Variants in CARD9 observed in about 807,000 individuals in gnomAD.
CARD9 encodes caspase recruitment domain family member 9, also known as caspase recruitment domain-containing protein 9.
A neutral mutation model predicts 66.0 loss-of-function variants in CARD9; 53 were observed. The ratio of observed to expected loss-of-function variants is 0.80; its 90% confidence interval spans 0.64 to 1.01. The LOEUF is 1.01. Among genes scored for constraint, CARD9 ranks in the 50% least tolerant of loss-of-function variants. The pLI is 0.00. For synonymous variants in CARD9, 387 were observed against 313.8 expected (o/e 1.23, Z -2.47); for missense variants, 769 against 743.2 (o/e 1.03, Z -0.40).
chr9:136,371,465 C>G lies in CARD9; in HGVS notation c.185-4G>C. On this transcript the variant is annotated splice_region_variant and splice_polypyrimidine_tract_variant and intron_variant, in intron 2 of 12. Coordinates refer to ENST00000371732, the MANE Select transcript of CARD9 (RefSeq NM_052813.5). ...TGCAGGATGTCCAGGAGCACACCTG[C>G]GGGCCAGAGAGGCCTAACTGGGGGC... The G allele has an allele frequency of 7.4e-7, 1 of 1,345,158 alleles. No individual in the cohort carries two copies. The highest frequency in any genetic ancestry group is 9.8e-7 in the Non-Finnish European group (1 of 1,015,358). The allele number at this position is 1,345,158 out of a possible 1,614,324, so 83.3% of individuals were successfully genotyped here.
intron 11 of CARD9, 163 bp from the exon 12 acceptor site, chr9:136,364,722 C>T (rs1376579535): frequency 2.9e-6 from 2 of 698,788 alleles, no homozygotes; most frequent in East Asian, 2.7e-5. Context: ...CTGCCTGTAC[C>T]CCTGGAGGTG....
intron 8 of CARD9, 132 bp from the exon 9 acceptor site, chr9:136,367,389 TGCCCAGAACAA>T: frequency 8.9e-7 from 1 of 1,117,944 alleles, no homozygotes; most frequent in Non-Finnish European, 1.3e-6. Context: ...GCCCCCTCCA[TGCCCAGAACAA>T]CCTGCTAGGC....
Position 136,369,008 on chromosome 9 carries a change from C to T in CARD9, c.1077+742G>A, listed in dbSNP as rs564939438. ...CTAATTTTTGTGTTTTTAGTAGAGA[C>T]GGGGTTTCCCCATACTGGCCAGGCT... On this transcript the variant is annotated intron_variant, in intron 7 of 12. Transcript: ENST00000371732. Among the ~76,000 whole-genome samples, 451 of 152,258 alleles carry T rather than the reference C, an allele frequency of 3.0e-3. 1 individual carries two copies. The highest frequency in any genetic ancestry group is 4.7e-3 in the Admixed American group (72 of 15,288).
chr9:136,365,462 A>G (rs765762459), intron 10 of CARD9: 114 of 566,962 alleles, frequency 2.0e-4, no homozygotes, highest in Non-Finnish European at 3.3e-4. Context: ...GCCAGTGACC[A>G]TCCCTCCCCC....
rs1448042281 is a variant in CARD9, at chr9:136,367,683, G to T, written c.1223C>A (p.Ala408Asp). Reference protein sequence around the residue: ...QVFQCEAQLLAVEGRLRRQQL... With the variant: ...QVFQCEAQLLDVEGRLRRQQL... ...CTGCCGCCTGAGCCTGCCCTCCACGGCCAGTAGCTGCGCCTCACACTGGAA... is the reference window on the plus strand; with the variant it reads ...CTGCCGCCTGAGCCTGCCCTCCACGTCCAGTAGCTGCGCCTCACACTGGAA... Residue 408 changes from alanine (A) to aspartate (D), a missense_variant, in exon 8 of 13, where the codon GCC (alanine) becomes GAC (aspartate). By Grantham distance (126) the Ala-to-Asp change is moderately radical. Coordinates refer to ENST00000371732, the MANE Select transcript of CARD9 (RefSeq NM_052813.5). The T allele has an allele frequency of 6.2e-7, 1 of 1,600,028 alleles. No homozygotes were observed. Among genetic ancestry groups the T allele is most frequent in the East Asian group, 2.2e-5 (1 of 44,758 alleles).
Position 136,367,335 on chromosome 9 carries a change from C to T in CARD9, c.1270-78G>A, listed in dbSNP as rs1403309057. On this transcript the variant is annotated intron_variant, in intron 8 of 12. Transcript: ENST00000371732. ...GGCACAGGGTGGGCAGGGCACAGAG[C>T]GGGATCCTCCAGGGAGCCCTGGGCA... The T allele has an allele frequency of 7.3e-6, 11 of 1,505,956 alleles. 1 individual carries two copies. The highest frequency in any genetic ancestry group is 3.5e-5 in the South Asian group (3 of 85,858). The allele number at this position is 1,505,956 out of a possible 1,614,324, so 93.3% of individuals were successfully genotyped here.
Position 136,367,603 on chromosome 9 carries a change from C to T in CARD9, c.1269+34G>A, listed in dbSNP as rs747038239. 1.6e-5 allele frequency: 24 copies of T among 1,540,280 alleles called. No individual in the cohort carries two copies. The South Asian group carries it at 1.7e-4, about 11-fold the overall frequency. ...TCCCCTGGCCCTGCATCCCACGCGC[C>T]GGCTCCCCTCCCTGCCGCAGGCCCC... On this transcript the variant is annotated intron_variant, in intron 8 of 12. Coordinates refer to ENST00000371732, the MANE Select transcript of CARD9 (RefSeq NM_052813.5).
Position 136,370,509 on chromosome 9 carries a change from C to A in CARD9, c.807+13G>T. 2 of 1,600,472 alleles carry A rather than the reference C, an allele frequency of 1.2e-6. No individual in the cohort carries two copies. The highest frequency in any genetic ancestry group is 1.7e-6 in the Non-Finnish European group (2 of 1,175,218). On this transcript the variant is annotated intron_variant, in intron 5 of 12. Transcript: ENST00000371732. ...CCCTGCCTGGGCTGCACCTGCCCTG[C>A]CTACGGCCCCACCTGGACGGAGGCC...
Position 136,366,835 on chromosome 9 carries a change from G to A in CARD9, c.1322C>T (p.Pro441Leu). 1.2e-6 allele frequency: 2 copies of A among 1,613,038 alleles called. No individual in the cohort carries two copies. The highest frequency in any genetic ancestry group is 1.7e-6 in the Non-Finnish European group (2 of 1,179,920). ...SPRRSQELSL[P>L]QDLEDTQLSD... ...GAGCTGGGTGTCCTCCAGGTCCTGG[G>A]GGAGTGAGAGCTTCCAAAGAGAGTC... Residue 441 changes from proline (P) to leucine (L), a missense_variant, in exon 10 of 13, where the codon CCC becomes CTC. Pro to Leu is a moderately conservative substitution (Grantham distance 98). Transcript: ENST00000371732.
chr9:136,364,671 C>T (rs1833074445), intron 11 of CARD9, 112 bp from the exon 12 acceptor site: 3 of 1,081,878 alleles, frequency 2.8e-6, no homozygotes, highest in Non-Finnish European at 3.9e-6. Context: ...GGCGAGGAGC[C>T]CAGACAGCCT....
At chr9:136,365,417 A>G in intron 10 of CARD9, 200 bp from the exon 11 acceptor site, 1 of 593,394 alleles carries the variant, frequency 1.7e-6, no homozygotes, top group Admixed American at 2.8e-5. Context: ...TTGCTCCAGG[A>G]GGCCGCCAGA....
At chr9:136,368,006 T>C (rs1379640192) in intron 7 of CARD9, 178 bp from the exon 8 acceptor site, 3 of 1,420,108 alleles carry the variant, frequency 2.1e-6, no homozygotes, top group African/African-American at 2.9e-5. Flanking sequence ...ACGTGGGGGA[T>C]TGTAAATGTG....
Position 136,370,886 on chromosome 9 carries a change from C to T in CARD9, c.582G>A (p.Glu194=). 6.2e-7 allele frequency: 1 copy of T among 1,607,712 alleles called. No homozygotes were observed. The highest frequency in any genetic ancestry group is 8.5e-7 in the Non-Finnish European group (1 of 1,176,090). ...DLAMRLAHQS[E]EKGAALMRNR... is the part of the protein sequence containing the mutation. ...TCCGCATGAGCGCGGCGCCCTTCTC[C>T]TCACTCTGGTGCGCCAGGCGCATGG... The change falls in exon 4 of 13, where the codon GAG becomes GAA. Residue 194 remains glutamate, a synonymous_variant. Coordinates refer to ENST00000371732, the MANE Select transcript of CARD9 (RefSeq NM_052813.5).
Position 136,368,310 on chromosome 9 carries a change from C to T in CARD9, c.1078-482G>A, listed in dbSNP as rs115379931. Among the ~76,000 whole-genome samples, 629 of 152,362 alleles carry T rather than the reference C, an allele frequency of 4.1e-3. 4 individuals carry two copies. Among genetic ancestry groups the T allele is most frequent in the African/African-American group, 0.014 (601 of 41,586 alleles). On this transcript the variant is annotated intron_variant, in intron 7 of 12. Transcript: ENST00000371732. The stretch of plus-strand genomic sequence containing the variant: ...ACCCCTTCTGCCCAGACTGGAGCAA[C>T]GGCTGGCAGCTTCCCTAATCCCTGG...
At chr9:136,372,546 C>T (rs1331408802) in intron 1 of CARD9, among the ~76,000 whole-genome samples, 1 of 152,236 alleles carries the variant, frequency 6.6e-6, no homozygotes, top group Non-Finnish European at 1.5e-5. Context: ...AACTGCCTGG[C>T]ACTATGGCCA....
chr9:136,364,083 G>C lies in CARD9; in HGVS notation c.*219C>G. The C allele has an allele frequency of 6.5e-7, 1 of 1,549,976 alleles. No individual in the cohort carries two copies. The highest frequency in any genetic ancestry group is 1.4e-5 in the African/African-American group (1 of 73,170). ...AGTTACACAGATGGCGTGTGCATGG[G>C]GGTGGTGAGCACCCGCATGGCCTCC... On this transcript the variant is annotated 3_prime_UTR_variant, in exon 13 of 13. Transcript: ENST00000371732.
chr9:136,366,029 C>T (rs1833116908), intron 10 of CARD9: 2 of 152,656 alleles, frequency 1.3e-5, no homozygotes, highest in African/African-American at 4.8e-5. Context: ...GCTCCTCCTT[C>T]CCCTTCCGCC....
Position 136,371,445 on chromosome 9 carries a change from G to A in CARD9, c.201C>T (p.Ile67=). The A allele has an allele frequency of 4.5e-6, 7 of 1,562,880 alleles. No homozygotes were observed. The highest frequency in any genetic ancestry group is 1.2e-5 in the South Asian group (1 of 86,910). Residue 67 remains isoleucine (I), a synonymous_variant, in exon 3 of 13, where the codon ATC becomes ATT. Coordinates refer to ENST00000371732, the MANE Select transcript of CARD9 (RefSeq NM_052813.5). ...AGCCCTTGTGGCCGGTCCGCTGCAG[G>A]ATGTCCAGGAGCACACCTGCGGGCC... ...RKRKVGVLLD[I]LQRTGHKGYV...
At chr9:136,365,472 C>T (rs918659521) in intron 10 of CARD9, 23 of 561,572 alleles carry the variant, frequency 4.1e-5, no homozygotes, top group Middle Eastern at 4.7e-4. Flanking sequence ...ATCCCTCCCC[C>T]GAGCTGGCTG....
Sources: allele counts gnomAD v4.1 joint callset (sites outside exome capture counted in the v4.1 genomes callset), GRCh38; gene constraint gnomAD v4.1.1; transcripts MANE v1.5; gene names NCBI Gene and HGNC (gene_info 2026-07-23, HGNC 2026-07-21).